GIGYF2: variants seen among roughly 807,000 people sequenced by gnomAD.
GIGYF2 encodes the protein GRB10 interacting GYF protein 2.
In GIGYF2, 25 loss-of-function variants were observed where a neutral mutation model predicts 208.1. The ratio of observed to expected loss-of-function variants is 0.12; its 90% confidence interval spans 0.09 to 0.17. The LOEUF is 0.17. GIGYF2 is among the 10% of genes least tolerant of loss of function. The pLI is 1.00. For synonymous variants in GIGYF2, 534 were observed against 543.8 expected (o/e 0.98, Z 0.25); for missense variants, 1,302 against 1,579.4 (o/e 0.82, Z 2.98).
chr2:232,716,139 T>C (rs139614526), intron 2 of GIGYF2, among the ~76,000 whole-genome samples: 1 of 152,288 alleles, frequency 6.6e-6, no homozygotes, highest in African/African-American at 2.4e-5. Context: ...AATGTGCCAC[T>C]TTTACAAGAT....
At chr2:232,773,990 G>A (rs375889382) in intron 8 of GIGYF2, among the ~76,000 whole-genome samples, 38 of 148,102 alleles carry the variant, frequency 2.6e-4, no homozygotes, top group Non-Finnish European at 4.2e-4. Context: ...TACAGATAAC[G>A]AAAGTGAGGA....
chr2:232,734,897 T>C (rs1383508856), intron 2 of GIGYF2, among the ~76,000 whole-genome samples: 1 of 152,172 alleles, frequency 6.6e-6, no homozygotes, highest in East Asian at 1.9e-4. Flanking sequence ...TGTTCCTACC[T>C]CTCTCACTAG....
At chr2:232,756,195 C>CTTT in intron 5 of GIGYF2, 28 bp from the exon 6 acceptor site, 4 of 1,023,742 alleles carry the variant, frequency 3.9e-6, no homozygotes, top group South Asian at 3.4e-5. Context: ...TTTCCTTTTT[C>CTTT]TCTTTTTTTT....
chr2:232,710,861 G>A (rs1358402036), intron 2 of GIGYF2, among the ~76,000 whole-genome samples: 2 of 151,646 alleles, frequency 1.3e-5, no homozygotes, highest in Non-Finnish European at 2.9e-5. Flanking sequence ...TACCATGTCC[G>A]GCTAACTTTT....
At chr2:232,704,856 A>ATTT (rs10689292) in intron 2 of GIGYF2, among the ~76,000 whole-genome samples, 1,414 of 101,918 alleles carry the variant, frequency 0.014, 147 homozygotes, top group African/African-American at 0.046. Flanking sequence ...TAACTTCTGG[A>ATTT]TTTTTTTTTT....
At chr2:232,712,278 G>A (rs1696455615) in intron 2 of GIGYF2, among the ~76,000 whole-genome samples, 1 of 152,170 alleles carries the variant, frequency 6.6e-6, no homozygotes. Context: ...AGTTGAGCTT[G>A]TAACCCAAAA....
intron 5 of GIGYF2, among the ~76,000 whole-genome samples, chr2:232,750,203 T>G (rs1244077954): frequency 2.0e-5 from 3 of 148,810 alleles, no homozygotes; most frequent in Non-Finnish European, 4.5e-5. Flanking sequence ...AGAAACAAAA[T>G]GTTGGCATAT....
At chr2:232,836,263 CATATATATATATATATATATATAT>C (rs1156576756) in intron 22 of GIGYF2, among the ~76,000 whole-genome samples, 10 of 38,620 alleles carry the variant, frequency 2.6e-4, no homozygotes, top group South Asian at 2.3e-3. Flanking sequence ...CCCATCTCTA[CATATATATATATATATATATATAT>C]ATATATATAT....
intron 22 of GIGYF2, 68 bp from the exon 23 acceptor site, chr2:232,839,781 G>A: frequency 6.7e-7 from 1 of 1,494,346 alleles, no homozygotes; most frequent in Non-Finnish European, 9.3e-7. Context: ...TATACATAAT[G>A]CATTATTGCT....
At chr2:232,825,975 G>A (rs1701234854) in intron 21 of GIGYF2, among the ~76,000 whole-genome samples, 1 of 151,650 alleles carries the variant, frequency 6.6e-6, no homozygotes, top group African/African-American at 2.4e-5. Flanking sequence ...TGTCCTTGTG[G>A]TAGTTTGCTT....
intron 2 of GIGYF2, among the ~76,000 whole-genome samples, chr2:232,728,850 A>C (rs1285457133): frequency 6.6e-6 from 1 of 152,230 alleles, no homozygotes; most frequent in Non-Finnish European, 1.5e-5. Flanking sequence ...AACAGTCTAC[A>C]GAGGCAGGAT....
At chr2:232,702,599 A>G (rs1447882324) in intron 1 of GIGYF2, among the ~76,000 whole-genome samples, 17 of 152,176 alleles carry the variant, frequency 1.1e-4, no homozygotes, top group Admixed American at 1.1e-3. Context: ...CTATACTTCA[A>G]TTCACTCTTG....
intron 22 of GIGYF2, among the ~76,000 whole-genome samples, chr2:232,839,139 C>T (rs1035220245): frequency 9.9e-5 from 15 of 151,804 alleles, no homozygotes; most frequent in African/African-American, 3.6e-4. Flanking sequence ...TGTTTGATGC[C>T]TCAGTATTAA....
At chr2:232,843,562 CAAAA>C (rs577833427) in intron 23 of GIGYF2, among the ~76,000 whole-genome samples, 2 of 91,546 alleles carry the variant, frequency 2.2e-5, no homozygotes, top group Non-Finnish European at 2.1e-5. Flanking sequence ...GACCCTGTCT[CAAAA>C]AAAAAAAAAA....
intron 27 of GIGYF2, among the ~76,000 whole-genome samples, chr2:232,848,951 A>G (rs1226382742): frequency 6.6e-6 from 1 of 152,216 alleles, no homozygotes; most frequent in Non-Finnish European, 1.5e-5. Context: ...TCTGAAAGAC[A>G]AGATGGCAAG....
intron 9 of GIGYF2, 63 bp downstream of exon 9, chr2:232,787,392 G>A (rs1189579587): frequency 1.5e-6 from 2 of 1,369,548 alleles, no homozygotes; most frequent in East Asian, 2.3e-5. Context: ...GATGGAAATA[G>A]GGATTAAATG....
chr2:232,715,363 G>C (rs1477777142), intron 2 of GIGYF2, among the ~76,000 whole-genome samples: 1 of 152,088 alleles, frequency 6.6e-6, no homozygotes, highest in Non-Finnish European at 1.5e-5. Context: ...GGGTTGCAGT[G>C]TTTATCACAA....
intron 13 of GIGYF2, 77 bp downstream of exon 13, chr2:232,795,021 C>T (rs535976757): frequency 4.4e-5 from 48 of 1,091,852 alleles, no homozygotes; most frequent in Middle Eastern, 2.9e-4. Flanking sequence ...AATATTCAAA[C>T]ATAAAACTTT....
Position 232,859,284 on chromosome 2 carries a change from C to T in GIGYF2, c.*2424C>T, listed in dbSNP as rs2106441354. 6.6e-6 allele frequency: 1 copy of T among 152,230 alleles called. No individual in the cohort carries two copies. The highest frequency in any genetic ancestry group is 1.5e-5 in the Non-Finnish European group (1 of 68,040). 9.4% of individuals were successfully genotyped at this position (152,230 alleles called of 1,614,324 possible). A position where few individuals can be genotyped will look rare whatever the true frequency, so the allele number is the denominator to read the frequency against. On this transcript the variant is annotated 3_prime_UTR_variant, in exon 29 of 29. Transcript: ENST00000373563. ...AAGTATTTGTTTTGTACCCTCTCTG[C>T]TTCCGGTTTTTTGTTTGGTTGGCTT...
Sources: gnomAD v4.1 joint callset for allele counts (sites outside exome capture counted in the v4.1 genomes callset) on GRCh38, gnomAD v4.1.1 for gene constraint, MANE v1.5 for transcripts, NCBI Gene and HGNC (gene_info 2026-07-23, HGNC 2026-07-21) for gene names.